CDKL4: variants seen among roughly 807,000 people sequenced by gnomAD.
The protein encoded by CDKL4 is cyclin-dependent kinase-like 4.
Under a neutral mutation model 42.0 loss-of-function variants are expected in CDKL4, and 44 were observed. The observed-to-expected ratio is 1.05, with a 90% CI of 0.82 to 1.35. The LOEUF is 1.35. Among genes scored for constraint, CDKL4 ranks in the 40% most tolerant of loss-of-function variants. CDKL4 has a pLI of 0.00. For missense variants in CDKL4, 393 were observed against 369.9 expected (o/e 1.06, Z -0.51); for synonymous variants, 120 against 121.6 (o/e 0.99, Z 0.09).
intron 4 of CDKL4, among the ~76,000 whole-genome samples, chr2:39,205,771 A>AAG (rs1211614338): frequency 6.6e-6 from 1 of 150,804 alleles, no homozygotes; most frequent in Non-Finnish European, 1.5e-5. Context: ...AAAAAAAAAA[A>AAG]AAAAAAAAAG....
At chr2:39,209,836 T>G (rs1324740043) in intron 4 of CDKL4, among the ~76,000 whole-genome samples, 1 of 152,042 alleles carries the variant, frequency 6.6e-6, no homozygotes, top group Non-Finnish European at 1.5e-5. Flanking sequence ...AGTATAAAGG[T>G]TTTAGTTGTA....
chr2:39,216,345 G>C (rs1489341276), intron 3 of CDKL4, among the ~76,000 whole-genome samples: 1 of 152,174 alleles, frequency 6.6e-6, no homozygotes, highest in African/African-American at 2.4e-5. Flanking sequence ...GGAGGTGTGG[G>C]GAAAGCAGTA....
rs771799544 is a variant in CDKL4 at position 39,221,588 on chromosome 2, G to A, written c.290+4251C>T. On this transcript the variant is annotated intron_variant, in intron 3 of 9. Coordinates refer to ENST00000451199, the Ensembl canonical transcript of CDKL4. ...AGCATATTCTAGATTGTTCCTATTTGCATTACTCCATGCATAATAGATTGA... is the reference window on the plus strand; with the variant it reads ...AGCATATTCTAGATTGTTCCTATTTACATTACTCCATGCATAATAGATTGA... 9.1e-4 allele frequency among the ~76,000 whole-genome samples: 138 copies of A among 152,162 alleles called. 1 individual carries two copies. Among genetic ancestry groups the A allele is most frequent in the Non-Finnish European group, 1.7e-3 (118 of 68,036 alleles).
intron 4 of CDKL4, among the ~76,000 whole-genome samples, chr2:39,208,988 AC>A (rs1677396587): frequency 2.0e-5 from 3 of 151,960 alleles, no homozygotes; most frequent in Non-Finnish European, 4.4e-5. Flanking sequence ...TTGCAGCCTG[AC>A]CCACTCCTAT....
At chr2:39,204,377 T>C (rs1306546240) in intron 5 of CDKL4, 150 bp downstream of exon 5, 1 of 624,910 alleles carries the variant, frequency 1.6e-6, no homozygotes, top group African/African-American at 1.9e-5. Flanking sequence ...TGCAAACGAA[T>C]GTACTGACTA....
chr2:39,207,215 G>A (rs1677252238), intron 4 of CDKL4, among the ~76,000 whole-genome samples: 1 of 151,978 alleles, frequency 6.6e-6, no homozygotes, highest in South Asian at 2.1e-4. Context: ...GTGAAACTCA[G>A]TCTCTACAAA....
At chr2:39,201,242 G>A (rs778289156) in intron 5 of CDKL4, among the ~76,000 whole-genome samples, 2 of 150,460 alleles carry the variant, frequency 1.3e-5, no homozygotes, top group African/African-American at 2.4e-5. Flanking sequence ...TCAGGGAAAC[G>A]CAAATCAAAA....
At chr2:39,224,645 A>C (rs1253869955) in intron 3 of CDKL4, among the ~76,000 whole-genome samples, 1 of 151,764 alleles carries the variant, frequency 6.6e-6, no homozygotes, top group Non-Finnish European at 1.5e-5. Flanking sequence ...CTGGGACTAC[A>C]GGCACCCACA....
At chr2:39,236,415 T>C (rs920398196) in intron 1 of CDKL4, among the ~76,000 whole-genome samples, 6 of 152,112 alleles carry the variant, frequency 3.9e-5, no homozygotes, top group African/African-American at 9.7e-5. Context: ...GGCCAAAACC[T>C]TCCAAATTTA....
At chr2:39,237,039 A>C (rs1475044904) in intron 1 of CDKL4, among the ~76,000 whole-genome samples, 1 of 152,246 alleles carries the variant, frequency 6.6e-6, no homozygotes, top group Non-Finnish European at 1.5e-5. Flanking sequence ...AACTCATTCT[A>C]TGTGGCCAAT....
Position 39,198,715 on chromosome 2 carries a change from A to G in CDKL4, c.454+5812T>C, listed in dbSNP as rs547606395. On this transcript the variant is annotated intron_variant, in intron 5 of 9. Coordinates refer to ENST00000451199, the Ensembl canonical transcript of CDKL4. Reference sequence around the variant, plus strand: ...AACCATGCAAATACATGGAAATTAAATGACCTGCTCCTGAATGATTGTTCA... The same window carrying G: ...AACCATGCAAATACATGGAAATTAAGTGACCTGCTCCTGAATGATTGTTCA... Among the ~76,000 whole-genome samples the G allele has an allele frequency of 6.6e-5, 10 of 152,316 alleles. No individual in the cohort carries two copies. The South Asian group carries it at 2.1e-3, about 32-fold the overall frequency.
chr2:39,232,986 A>C (rs934862744), intron 1 of CDKL4, among the ~76,000 whole-genome samples: 1 of 137,346 alleles, frequency 7.3e-6, no homozygotes, highest in Non-Finnish European at 1.5e-5. Context: ...CGGAGGTTGC[A>C]GTGAGCCGAG....
chr2:39,187,619 C>A lies in CDKL4; in HGVS notation c.735+8G>T. The A allele has an allele frequency of 3.2e-6, 5 of 1,582,052 alleles. No homozygotes were observed. Among genetic ancestry groups the A allele is most frequent in the Non-Finnish European group, 4.3e-6 (5 of 1,155,098 alleles). On this transcript the variant is annotated splice_region_variant and intron_variant, in intron 7 of 9. Transcript: ENST00000451199. ...AAGTAATAAAATATTCAAAACAGAG[C>A]AGCTTACCATGTCTTCTGGCTCAGG... is the stretch of plus-strand genomic sequence containing the variant.
intron 3 of CDKL4, among the ~76,000 whole-genome samples, chr2:39,215,423 C>T (rs192337727): frequency 5.9e-5 from 9 of 152,192 alleles, no homozygotes; most frequent in Non-Finnish European, 1.3e-4. Flanking sequence ...TGTTGTTTGT[C>T]TTTCAGCCCT....
intron 4 of CDKL4, among the ~76,000 whole-genome samples, chr2:39,207,677 CA>C (rs1358935923): frequency 6.6e-6 from 1 of 152,066 alleles, no homozygotes; most frequent in African/African-American, 2.4e-5. Flanking sequence ...ATTTTTCAAC[CA>C]AATATACAAA....
Position 39,204,510 on chromosome 2 carries a change from A to C in CDKL4, c.454+17T>G, listed in dbSNP as rs1677047877. On this transcript the variant is annotated intron_variant, in intron 5 of 9. Transcript: ENST00000451199. ...CATCATCTGAACTGGGTATTAGTAAAAAAAATTGCTACTTACTCAGAATTT... is the reference window on the plus strand; with the variant it reads ...CATCATCTGAACTGGGTATTAGTAACAAAAATTGCTACTTACTCAGAATTT... 2.0e-6 allele frequency: 3 copies of C among 1,510,564 alleles called. No individual in the cohort carries two copies. The African/African-American group carries it at 4.1e-5, about 21-fold the overall frequency. The allele number at this position is 1,510,564 out of a possible 1,614,324, so 93.6% of individuals were successfully genotyped here.
At chr2:39,228,063 T>A (rs1469342010) in intron 2 of CDKL4, among the ~76,000 whole-genome samples, 3 of 152,224 alleles carry the variant, frequency 2.0e-5, no homozygotes, top group Non-Finnish European at 4.4e-5. Flanking sequence ...AGCTGAGTCA[T>A]AATCAGGCTA....
chr2:39,202,739 T>C (rs1676931132), intron 5 of CDKL4, among the ~76,000 whole-genome samples: 1 of 152,210 alleles, frequency 6.6e-6, no homozygotes, highest in African/African-American at 2.4e-5. Context: ...TTCTTTTGCA[T>C]GTGGATATCC....
In CDKL4 at chr2:39,185,208, GTA is replaced by G. The variant is rs1558546470; in HGVS notation, c.736-563_736-562del. Among the ~76,000 whole-genome samples, 43 of 14,524 alleles carry G rather than the reference GTA, an allele frequency of 3.0e-3. 1 individual carries two copies. Among genetic ancestry groups the G allele is most frequent in the Non-Finnish European group, 7.7e-3 (34 of 4,424 alleles). The allele number at this position is 14,524 out of a possible 152,430, so 9.5% of individuals were successfully genotyped here. On this transcript the variant is annotated intron_variant, in intron 7 of 9. Transcript: ENST00000451199. ...TGTATATACATATATATACACATAC[GTA>G]TATATACATATATACACATACGTAT...
Sources: allele counts gnomAD v4.1 joint callset (sites outside exome capture counted in the v4.1 genomes callset), GRCh38; gene constraint gnomAD v4.1.1; transcripts MANE v1.5; gene names NCBI Gene and HGNC (gene_info 2026-07-23, HGNC 2026-07-21).